Variants in FHOD3 observed in about 807,000 individuals in gnomAD.
FHOD3 encodes the protein formin homology 2 domain containing 3.
Under a neutral mutation model 173.0 loss-of-function variants are expected in FHOD3, and 90 were observed. The observed-to-expected ratio is 0.52, with a 90% CI of 0.44 to 0.62. FHOD3 has a LOEUF of 0.62. FHOD3 is among the 20% of genes least tolerant of loss of function. The pLI is 0.00. For missense variants in FHOD3, 1,945 were observed against 2,034.7 expected (o/e 0.96, Z 0.85); for synonymous variants, 828 against 823.0 (o/e 1.01, Z -0.10).
chr18:36,566,340 CTG>C (rs1190801776), intron 5 of FHOD3, among the ~76,000 whole-genome samples: 1 of 152,138 alleles, frequency 6.6e-6, no homozygotes. Flanking sequence ...AAGTCTAGCT[CTG>C]TTTGTAGAAT....
intron 5 of FHOD3, among the ~76,000 whole-genome samples, chr18:36,553,224 T>A (rs186231718): frequency 6.6e-6 from 1 of 152,360 alleles, no homozygotes; most frequent in East Asian, 1.9e-4. Context: ...GATTTGCCAG[T>A]ATTTTATTGA....
chr18:36,413,561 T>G lies in FHOD3; in HGVS notation c.337+40817T>G, dbSNP rs1049405423. Among the ~76,000 whole-genome samples, 5 of 152,136 alleles carry G rather than the reference T, an allele frequency of 3.3e-5. No individual in the cohort carries two copies. In the East Asian group the frequency reaches 7.7e-4, roughly 23 times the overall value. The stretch of plus-strand genomic sequence containing the variant: ...TGCAAGTTGCTTTTGGAGTTAAGAT[T>G]AACTGTCCCACACCAGATCTCTATT... On this transcript the variant is annotated intron_variant, in intron 3 of 28. Transcript: ENST00000590592.
In FHOD3 at chr18:36,649,402, A is replaced by G; in HGVS notation, c.1283A>G (p.Asp428Gly). ...REDDASCQGKDSKVGAASGQS... is the reference protein window; with the variant it reads ...REDDASCQGKGSKVGAASGQS... The stretch of plus-strand genomic sequence containing the variant: ...GATGATGCTTCCTGTCAGGGCAAGG[A>G]CAGGTACCTAGGACTGGAGCCTCCC... The change falls in exon 11 of 29, where the codon GAC becomes GGC. Residue 428 changes from aspartate to glycine, a missense_variant. Asp to Gly is a moderately conservative substitution (Grantham distance 94). Coordinates refer to ENST00000590592, the MANE Select transcript of FHOD3 (RefSeq NM_001281740.3). The G allele has an allele frequency of 6.5e-7, 1 of 1,535,292 alleles. No individual in the cohort carries two copies. Among genetic ancestry groups the G allele is most frequent in the Non-Finnish European group, 8.7e-7 (1 of 1,146,458 alleles).
chr18:36,521,487 C>T (rs2056270971), intron 5 of FHOD3, among the ~76,000 whole-genome samples: 1 of 152,170 alleles, frequency 6.6e-6, no homozygotes, highest in African/African-American at 2.4e-5. Flanking sequence ...ACCCTAGGGT[C>T]CTCCTAACCC....
At chr18:36,336,682 C>CAA (rs35621641) in intron 1 of FHOD3, among the ~76,000 whole-genome samples, 1 of 135,802 alleles carries the variant, frequency 7.4e-6, no homozygotes. Context: ...GCTAAAAATA[C>CAA]AAAAAAAAAA....
chr18:36,584,179 T>A (rs1241398899), intron 6 of FHOD3, among the ~76,000 whole-genome samples: 1 of 152,150 alleles, frequency 6.6e-6, no homozygotes, highest in Non-Finnish European at 1.5e-5. Context: ...TCCCCTACCC[T>A]GCCTCAGATG....
At chr18:36,403,014 G>A (rs182065843) in intron 3 of FHOD3, among the ~76,000 whole-genome samples, 1 of 152,224 alleles carries the variant, frequency 6.6e-6, no homozygotes, top group South Asian at 2.1e-4. Flanking sequence ...TCATGACAAT[G>A]AAGTGAAAAT....
chr18:36,328,648 C>T lies in FHOD3; in HGVS notation c.166-26891C>T, dbSNP rs146603859. Among the ~76,000 whole-genome samples, 5 of 152,148 alleles carry T rather than the reference C, an allele frequency of 3.3e-5. No homozygotes were observed. The East Asian group carries it at 5.8e-4, about 18-fold the overall frequency. ...CTGTAGGGTGATTAGGGGTGGCTTC[C>T]GGGAGCCTCACTAGGTGGATGATGT... On this transcript the variant is annotated intron_variant, in intron 1 of 28. Transcript: ENST00000590592.
intron 25 of FHOD3, 36 bp downstream of exon 25, chr18:36,755,347 G>C: frequency 7.9e-7 from 1 of 1,269,184 alleles, no homozygotes; most frequent in East Asian, 3.9e-5. Flanking sequence ...TATGTCATTC[G>C]TTTTCAAAGT....
chr18:36,718,076 G>T lies in FHOD3; in HGVS notation c.2778G>T (p.Val926=), dbSNP rs2040557872. 1 of 1,598,718 alleles carries T rather than the reference G, an allele frequency of 6.3e-7. No homozygotes were observed. Among genetic ancestry groups the T allele is most frequent in the African/African-American group, 1.3e-5 (1 of 74,664 alleles). ...CCCAGGATGAGAGTGTCAGGAGGGT[G>T]GATGTCGGCTGTTTGGACAATCGGG... ...SQTQDESVRR[V]DVGCLDNRGS... The change falls in exon 19 of 29, where the codon GTG becomes GTT. Residue 926 remains valine, a synonymous_variant. Transcript: ENST00000590592.
At chr18:36,699,623 C>A (rs1051762848) in intron 17 of FHOD3, among the ~76,000 whole-genome samples, 1 of 152,254 alleles carries the variant, frequency 6.6e-6, no homozygotes, top group Non-Finnish European at 1.5e-5. Context: ...AATCACTACT[C>A]TGCTATCTCC....
chr18:36,311,466 T>C (rs2092255586), intron 1 of FHOD3, among the ~76,000 whole-genome samples: 1 of 152,148 alleles, frequency 6.6e-6, no homozygotes, highest in Non-Finnish European at 1.5e-5. Context: ...CTGAGCTCCG[T>C]GTTTCTAATG....
intron 3 of FHOD3, among the ~76,000 whole-genome samples, chr18:36,500,619 C>G (rs747176820): frequency 1.3e-5 from 2 of 152,212 alleles, no homozygotes; most frequent in Non-Finnish European, 2.9e-5. Flanking sequence ...TCCTGTAATA[C>G]TGTCTGTTCC....
intron 1 of FHOD3, among the ~76,000 whole-genome samples, chr18:36,328,325 G>C (rs575299668): frequency 5.9e-5 from 9 of 152,180 alleles, no homozygotes; most frequent in Non-Finnish European, 1.2e-4. Flanking sequence ...GGGTGGGAGA[G>C]AGGAGAACAC....
chr18:36,767,776 G>T (rs2043202239), intron 27 of FHOD3, among the ~76,000 whole-genome samples: 1 of 152,028 alleles, frequency 6.6e-6, no homozygotes, highest in Admixed American at 6.6e-5. Context: ...CAGAAATTAT[G>T]ACTACTTTAT....
rs753193247 is a variant in FHOD3 at position 36,718,756 on chromosome 18, G to T, written c.3417+41G>T. 3 of 1,590,108 alleles carry T rather than the reference G, an allele frequency of 1.9e-6. No homozygotes were observed. In the East Asian group the frequency reaches 6.7e-5, roughly 36 times the overall value. On this transcript the variant is annotated intron_variant, in intron 19 of 28. Transcript: ENST00000590592. ...AGCATGCTTCTTGATTGGAAGTTGG[G>T]TAGGGCTGAAGAGATTCGTTCTGTA...
At chr18:36,366,152 T>G (rs977258275) in intron 2 of FHOD3, among the ~76,000 whole-genome samples, 1 of 152,082 alleles carries the variant, frequency 6.6e-6, no homozygotes, top group Non-Finnish European at 1.5e-5. Context: ...TGCTACATCA[T>G]GGGAACTTTA....
chr18:36,475,491 G>A (rs1034431794), intron 3 of FHOD3, among the ~76,000 whole-genome samples: 1 of 151,086 alleles, frequency 6.6e-6, no homozygotes, highest in Non-Finnish European at 1.5e-5. Context: ...TGGGTGCGGG[G>A]TGGGAGGTGG....
At chr18:36,356,482 T>C (rs999152908) in intron 2 of FHOD3, among the ~76,000 whole-genome samples, 1 of 152,174 alleles carries the variant, frequency 6.6e-6, no homozygotes, top group African/African-American at 2.4e-5. Context: ...CCCACCTTTT[T>C]CCTTCTGATT....
Sources: gnomAD v4.1 joint callset for allele counts (sites outside exome capture counted in the v4.1 genomes callset) on GRCh38, gnomAD v4.1.1 for gene constraint, MANE v1.5 for transcripts, NCBI Gene and HGNC (gene_info 2026-07-23, HGNC 2026-07-21) for gene names.